The following CHID1 variants were observed in gnomAD, a reference collection of about 807,000 sequenced individuals.
CHID1 encodes the protein chitinase domain-containing protein 1.
CHID1 carries 44 observed loss-of-function variants against 55.4 expected under a neutral mutation model. That is an observed-to-expected ratio of 0.79 (90% CI 0.62 to 1.02). The LOEUF is 1.02. Among genes scored for constraint, CHID1 ranks in the 50% least tolerant of loss-of-function variants. The pLI is 0.00. For synonymous variants in CHID1, 216 were observed against 212.9 expected (o/e 1.01, Z -0.13); for missense variants, 491 against 515.3 (o/e 0.95, Z 0.46).
At chr11:908,759 C>CAGAGACCCAGCCCTATAG in intron 1 of CHID1, 2 of 224,310 alleles carry the variant, frequency 8.9e-6, no homozygotes, top group South Asian at 1.6e-4. Flanking sequence ...CACTATAGGG[C>CAGAGACCCAGCCCTATAG]TGGGTCTCTG....
chr11:885,123 G>C (rs1308988461), intron 8 of CHID1, among the ~76,000 whole-genome samples: 1 of 152,212 alleles, frequency 6.6e-6, no homozygotes, highest in African/African-American at 2.4e-5. Context: ...GTGAGGGGAG[G>C]GGGTCCCTGT....
intron 2 of CHID1, among the ~76,000 whole-genome samples, chr11:903,939 C>A (rs949804484): frequency 4.6e-5 from 7 of 151,920 alleles, no homozygotes; most frequent in Admixed American, 6.6e-5. Context: ...GCCACCACCC[C>A]CACCAATGCA....
rs759862056 is a variant in CHID1 at position 904,690 on chromosome 11, C to G, written c.111+16G>C. 6.2e-7 allele frequency: 1 copy of G among 1,613,832 alleles called. No individual in the cohort carries two copies. The highest frequency in any genetic ancestry group is 1.3e-5 in the African/African-American group (1 of 74,910). The stretch of plus-strand genomic sequence containing the variant: ...TCAGCCAGTACAGTCACCTCAAGTC[C>G]CCAGGCCACCCTTACCTTCTCCAGC... On this transcript the variant is annotated intron_variant, in intron 2 of 12. Transcript: ENST00000323578.
In CHID1 at chr11:910,776, T is replaced by G. The variant is rs769210006; in HGVS notation, c.-45A>C. On this transcript the variant is annotated splice_region_variant and 5_prime_UTR_variant, in exon 1 of 13. Coordinates refer to ENST00000323578, the MANE Select transcript of CHID1 (RefSeq NM_023947.4). ...GGGGCCGGCCGCCGCGGGGCTCACC[T>G]GCATGTCAGGGAGGCCGGACGGCCA... is the stretch of plus-strand genomic sequence containing the variant. 4 of 1,139,468 alleles carry G rather than the reference T, an allele frequency of 3.5e-6. No homozygotes were observed. Among genetic ancestry groups the G allele is most frequent in the South Asian group, 1.7e-5 (1 of 59,152 alleles). 70.6% of individuals were successfully genotyped at this position (1,139,468 alleles called of 1,614,324 possible). A position where few individuals can be genotyped will look rare whatever the true frequency, so the allele number is the denominator to read the frequency against.
At chr11:889,840 C>G (rs912350448) in intron 8 of CHID1, among the ~76,000 whole-genome samples, 3 of 152,212 alleles carry the variant, frequency 2.0e-5, no homozygotes, top group Non-Finnish European at 4.4e-5. Flanking sequence ...CTCAGGGCAT[C>G]TGCCCCCAGC....
intron 10 of CHID1, 104 bp from the exon 11 acceptor site, chr11:870,603 G>T: frequency 1.3e-6 from 1 of 779,520 alleles, no homozygotes; most frequent in Non-Finnish European, 2.2e-6. Flanking sequence ...GGCCACTCGG[G>T]GCAGCCACTG....
At chr11:907,687 C>T (rs1260432842) in intron 1 of CHID1, among the ~76,000 whole-genome samples, 1 of 152,156 alleles carries the variant, frequency 6.6e-6, no homozygotes, top group African/African-American at 2.4e-5. Context: ...ACAGCCTGGG[C>T]AGAGGCAGAT....
At position 868,265 on chromosome 11, in the gene CHID1, C is replaced by A. The variant is rs557491003; in HGVS notation, c.*1593G>T. On this transcript the variant is annotated 3_prime_UTR_variant, in exon 13 of 13. Transcript: ENST00000323578. ...AAGGTCAGTGCCCCAAAGCCAGTGGCAGCTTGTGTTTTTTTAGACAAGGTT... is the reference window on the plus strand; with the variant it reads ...AAGGTCAGTGCCCCAAAGCCAGTGGAAGCTTGTGTTTTTTTAGACAAGGTT... 6.6e-5 allele frequency: 10 copies of A among 152,142 alleles called. No homozygotes were observed. Among genetic ancestry groups the A allele is most frequent in the African/African-American group, 2.4e-4 (10 of 41,486 alleles). 9.4% of individuals were successfully genotyped at this position (152,142 alleles called of 1,614,324 possible).
chr11:906,586 A>G (rs1326411689), intron 1 of CHID1, among the ~76,000 whole-genome samples: 2 of 152,192 alleles, frequency 1.3e-5, no homozygotes, highest in African/African-American at 4.8e-5. Flanking sequence ...ATGCTGGAAC[A>G]CAGACAGGCA....
intron 8 of CHID1, 35 bp from the exon 9 acceptor site, chr11:884,204 A>G (rs886775112): frequency 1.3e-6 from 2 of 1,537,232 alleles, no homozygotes; most frequent in Non-Finnish European, 1.8e-6. Context: ...TCAGGCTGCT[A>G]TGCCCTGCCT....
At chr11:886,399 C>T (rs1589848714) in intron 8 of CHID1, among the ~76,000 whole-genome samples, 1 of 151,944 alleles carries the variant, frequency 6.6e-6, no homozygotes, top group Non-Finnish European at 1.5e-5. Flanking sequence ...GTGGAGGCTG[C>T]CGTGAGCCCT....
chr11:869,578 G>C lies in CHID1; in HGVS notation c.*280C>G, dbSNP rs927979087. 1.5e-5 allele frequency: 8 copies of C among 547,744 alleles called. No individual in the cohort carries two copies. The highest frequency in any genetic ancestry group is 2.3e-5 in the Non-Finnish European group (7 of 305,650). 33.9% of individuals were successfully genotyped at this position (547,744 alleles called of 1,614,324 possible). A position where few individuals can be genotyped will look rare whatever the true frequency, so the allele number is the denominator to read the frequency against. ...AGGCCTGAGCCAGGCTGTCCTGGTG[G>C]GGCAGGTACTGTGGGCCCCGCCTGC... On this transcript the variant is annotated 3_prime_UTR_variant, in exon 13 of 13. Coordinates refer to ENST00000323578, the MANE Select transcript of CHID1 (RefSeq NM_023947.4).
chr11:891,354 T>G (rs1000188214), intron 8 of CHID1, among the ~76,000 whole-genome samples: 21 of 152,142 alleles, frequency 1.4e-4, no homozygotes, highest in African/African-American at 4.8e-4. Context: ...CTGGCGTGCA[T>G]CCCACCCTAC....
At chr11:911,162 CGGTGCCGGGAGAACCGCGCGGT>C (rs940044752), upstream of CHID1, 1 of 152,040 alleles carries the variant, frequency 6.6e-6, no homozygotes, top group African/African-American at 2.4e-5. Flanking sequence ...CCCGGCTCGG[CGGTGCCGGGAGAACCGCGCGGT>C]GGGCTCCGCC....
intron 1 of CHID1, among the ~76,000 whole-genome samples, chr11:909,966 A>T (rs1852525650): frequency 6.6e-6 from 1 of 152,114 alleles, no homozygotes; most frequent in South Asian, 2.1e-4. Context: ...AGACTGAGGC[A>T]GGAAAATCCC....
chr11:898,970 G>C (rs937000441), intron 7 of CHID1, among the ~76,000 whole-genome samples: 1 of 152,252 alleles, frequency 6.6e-6, no homozygotes, highest in Non-Finnish European at 1.5e-5. Flanking sequence ...TCAGTGAGGA[G>C]TTTCTGCTTG....
intron 8 of CHID1, among the ~76,000 whole-genome samples, chr11:893,046 C>T (rs1850958551): frequency 6.6e-6 from 1 of 152,218 alleles, no homozygotes; most frequent in African/African-American, 2.4e-5. Context: ...AGAGGGCTGG[C>T]AGCTTTCCAG....
At chr11:879,167 T>C (rs2134147159) in intron 10 of CHID1, among the ~76,000 whole-genome samples, 1 of 152,328 alleles carries the variant, frequency 6.6e-6, no homozygotes, top group East Asian at 1.9e-4. Flanking sequence ...ATTTTTTGTA[T>C]TTTTAGTAGA....
chr11:889,743 T>G (rs1379014897), intron 8 of CHID1, among the ~76,000 whole-genome samples: 1 of 152,120 alleles, frequency 6.6e-6, no homozygotes, highest in Non-Finnish European at 1.5e-5. Context: ...GATGGTGGCA[T>G]CACTGTCAGG....
Sources: allele counts gnomAD v4.1 joint callset (sites outside exome capture counted in the v4.1 genomes callset), GRCh38; gene constraint gnomAD v4.1.1; transcripts MANE v1.5; gene names NCBI Gene and HGNC (gene_info 2026-07-23, HGNC 2026-07-21).